The following PAK2 variants were observed in gnomAD, a reference collection of about 807,000 sequenced individuals.
PAK2 encodes p21 (RAC1) activated kinase 2, also known as serine/threonine-protein kinase PAK 2.
A neutral mutation model predicts 65.9 loss-of-function variants in PAK2; 21 were observed. The ratio of observed to expected loss-of-function variants is 0.32; its 90% CI spans 0.23 to 0.46. The LOEUF is 0.46. PAK2 is among the 20% of genes least tolerant of loss of function. The probability of loss-of-function intolerance (pLI) is 1.00; values close to 1 mark genes in which losing one functional copy is unlikely to be tolerated. For synonymous variants in PAK2, 204 were observed against 219.7 expected (o/e 0.93, Z 0.63); for missense variants, 324 against 642.6 (o/e 0.50, Z 5.36).
At chr3:196,741,658 A>G (rs1179420439) in intron 1 of PAK2, among the ~76,000 whole-genome samples, 2 of 152,144 alleles carry the variant, frequency 1.3e-5, no homozygotes, top group Non-Finnish European at 2.9e-5. Flanking sequence ...GCCCATTGTT[A>G]CCTTTCCCTC....
intron 13 of PAK2, among the ~76,000 whole-genome samples, chr3:196,823,162 A>G (rs552563876): frequency 6.6e-6 from 1 of 152,286 alleles, no homozygotes; most frequent in South Asian, 2.1e-4. Context: ...TGATGTCATA[A>G]TTCAGGCAAG....
Position 196,812,774 on chromosome 3 carries a change from A to T in PAK2, c.858A>T (p.Pro286=), listed in dbSNP as rs1244132864. The T allele has an allele frequency of 1.9e-6, 3 of 1,565,850 alleles. No individual in the cohort carries two copies. Among genetic ancestry groups the T allele is most frequent in the Non-Finnish European group, 8.8e-7 (1 of 1,137,586 alleles). Residue 286 remains proline, a synonymous_variant, in exon 10 of 15, where the codon CCA becomes CCT. Coordinates refer to ENST00000327134, the MANE Select transcript of PAK2 (RefSeq NM_002577.4). ...AIKQINLQKQ[P]KKELIINEIL... ...AACAAATTAATTTACAGAAACAGCC[A>T]AAGAAGGAACTGATCATTAACGAGA...
At chr3:196,744,273 T>A (rs1439125578) in intron 1 of PAK2, among the ~76,000 whole-genome samples, 1 of 152,172 alleles carries the variant, frequency 6.6e-6, no homozygotes, top group African/African-American at 2.4e-5. Flanking sequence ...GTAAAAACTT[T>A]TAAGACAAAA....
At chr3:196,746,825 A>T in intron 1 of PAK2, among the ~76,000 whole-genome samples, 1 of 91,028 alleles carries the variant, frequency 1.1e-5, no homozygotes, top group Non-Finnish European at 2.4e-5. Flanking sequence ...AAAAAAAAAA[A>T]AAAAAGGATA....
At chr3:196,787,819 T>G (rs146605442) in intron 2 of PAK2, among the ~76,000 whole-genome samples, 1 of 152,334 alleles carries the variant, frequency 6.6e-6, no homozygotes, top group Non-Finnish European at 1.5e-5. Flanking sequence ...CCTCTTACAC[T>G]TATTGCTCCT....
chr3:196,749,924 C>T (rs577151181), intron 1 of PAK2, among the ~76,000 whole-genome samples: 4 of 151,796 alleles, frequency 2.6e-5, no homozygotes, highest in African/African-American at 7.2e-5. Context: ...TAGGCTGAAG[C>T]GATCTTCTCA....
Position 196,790,043 on chromosome 3 carries a change from C to T in PAK2, c.187+7210C>T, listed in dbSNP as rs534265299. Among the ~76,000 whole-genome samples the T allele has an allele frequency of 3.3e-5, 5 of 152,230 alleles. No individual in the cohort carries two copies. The South Asian group carries it at 1.0e-3, about 32-fold the overall frequency. On this transcript the variant is annotated intron_variant, in intron 2 of 14. Transcript: ENST00000327134. ...CCATGGACCTGTACTGGTCCACGGC[C>T]CTGGGGCTGGGGACACCTTTCCTAG...
At chr3:196,810,404 T>G (rs1404533066) in intron 7 of PAK2, among the ~76,000 whole-genome samples, 186 bp from the exon 8 acceptor site, 1 of 152,140 alleles carries the variant, frequency 6.6e-6, no homozygotes, top group East Asian at 1.9e-4. Context: ...CTGATACTTT[T>G]AAACTTTTAT....
intron 1 of PAK2, among the ~76,000 whole-genome samples, chr3:196,779,552 TTTA>T (rs1714640519): frequency 6.6e-6 from 1 of 152,154 alleles, no homozygotes; most frequent in Non-Finnish European, 1.5e-5. Context: ...ATGCAGCTGA[TTTA>T]TTATTATTAT....
chr3:196,791,817 G>A lies in PAK2; in HGVS notation c.187+8984G>A, dbSNP rs986597534. On this transcript the variant is annotated intron_variant, in intron 2 of 14. Coordinates refer to ENST00000327134, the MANE Select transcript of PAK2 (RefSeq NM_002577.4). The surrounding 1 kb of genome is among the most constrained non-coding windows in gnomAD (Gnocchi z 4.0). ...CGGGCCCCTGTAGTCCCAGCTACTC[G>A]GGAGGCTGAGGCAGGAGAATGGCGG... Among the ~76,000 whole-genome samples the A allele has an allele frequency of 3.3e-5, 5 of 152,102 alleles. No homozygotes were observed. The highest frequency in any genetic ancestry group is 6.6e-5 in the Admixed American group (1 of 15,262).
chr3:196,750,238 C>T (rs544545088), intron 1 of PAK2, among the ~76,000 whole-genome samples: 6 of 152,272 alleles, frequency 3.9e-5, no homozygotes, highest in East Asian at 3.9e-4. Context: ...GATCCATCCA[C>T]CTCTGCCTCC....
Position 196,782,349 on chromosome 3 carries a change from T to G in PAK2, c.-21-277T>G, listed in dbSNP as rs73074649. Among the ~76,000 whole-genome samples, 338 of 152,196 alleles carry G rather than the reference T, an allele frequency of 2.2e-3. 4 individuals carry two copies. The highest frequency in any genetic ancestry group is 7.4e-3 in the African/African-American group (309 of 41,540). On this transcript the variant is annotated intron_variant, in intron 1 of 14. Transcript: ENST00000327134. ...TGTCTGTCTTTCTATTGAGAAGGTC[T>G]CTTAGAATCCATTGATTAGACCAGT...
At chr3:196,773,369 A>G (rs1714421138) in intron 1 of PAK2, among the ~76,000 whole-genome samples, 1 of 152,200 alleles carries the variant, frequency 6.6e-6, no homozygotes, top group Admixed American at 6.5e-5. Flanking sequence ...GCTAACATAT[A>G]AGATGAACAT....
At chr3:196,780,262 C>G (rs1039772499) in intron 1 of PAK2, among the ~76,000 whole-genome samples, 1 of 152,130 alleles carries the variant, frequency 6.6e-6, no homozygotes, top group African/African-American at 2.4e-5. Flanking sequence ...AGCTAGTTAC[C>G]CCCTCTCTTA....
chr3:196,794,936 G>A (rs992354173), intron 2 of PAK2, among the ~76,000 whole-genome samples: 5 of 152,118 alleles, frequency 3.3e-5, no homozygotes, highest in Non-Finnish European at 7.4e-5. Context: ...ACCTAGGCTC[G>A]GGGGTGAGGA....
At chr3:196,764,876 T>C (rs1336444896) in intron 1 of PAK2, among the ~76,000 whole-genome samples, 1 of 140,846 alleles carries the variant, frequency 7.1e-6, no homozygotes, top group Admixed American at 7.4e-5. Flanking sequence ...GGAGTCTTGC[T>C]CTATTGCCCA....
At chr3:196,789,095 T>C (rs529870350) in intron 2 of PAK2, among the ~76,000 whole-genome samples, 1 of 152,316 alleles carries the variant, frequency 6.6e-6, no homozygotes, top group Admixed American at 6.5e-5. Context: ...AAGGTTTTGT[T>C]CGAAGTGTGA....
At chr3:196,788,123 T>G (rs901029248) in intron 2 of PAK2, among the ~76,000 whole-genome samples, 18 of 152,258 alleles carry the variant, frequency 1.2e-4, no homozygotes, top group African/African-American at 4.3e-4. Context: ...CTTTTCATTC[T>G]GGAGCATTCC....
rs549220859 is a variant in PAK2 at position 196,796,201 on chromosome 3, G to A, written c.188-5726G>A. On this transcript the variant is annotated intron_variant, in intron 2 of 14. Coordinates refer to ENST00000327134, the MANE Select transcript of PAK2 (RefSeq NM_002577.4). ...GGCCTGGGGGCTGGGGACCCTTGTG[G>A]TATGCGTTCTTTCTTATCTAAATTT... Among the ~76,000 whole-genome samples, 3 of 152,270 alleles carry A rather than the reference G, an allele frequency of 2.0e-5. No homozygotes were observed. The South Asian group carries it at 6.2e-4, about 32-fold the overall frequency.
Sources: allele counts gnomAD v4.1 joint callset (sites outside exome capture counted in the v4.1 genomes callset), GRCh38; gene constraint gnomAD v4.1.1; non-coding constraint Gnocchi (gnomAD v3.1); transcripts MANE v1.5; gene names NCBI Gene and HGNC (gene_info 2026-07-23, HGNC 2026-07-21).